Variants in NRXN3 observed in about 807,000 individuals in gnomAD.
NRXN3 encodes the protein neurexin III.
Under a neutral mutation model 137.6 loss-of-function variants are expected in NRXN3, and 32 were observed. The observed-to-expected ratio is 0.23, with a 90% CI of 0.18 to 0.31. The LOEUF (loss-of-function observed/expected upper bound fraction) is 0.31, where lower values mean the gene tolerates loss of function less well. Among genes scored for constraint, NRXN3 ranks in the 10% least tolerant of loss-of-function variants. NRXN3 has a pLI of 1.00. For synonymous variants in NRXN3, 798 were observed against 784.5 expected, an observed-to-expected ratio of 1.02 and a Z score of -0.29; for missense variants, 1,574 against 2,062.5, an observed-to-expected ratio of 0.76 and a Z score of 4.59.
intron 16 of NRXN3, among the ~76,000 whole-genome samples, chr14:79,518,339 A>G (rs549665581): frequency 2.0e-5 from 3 of 152,276 alleles, no homozygotes; most frequent in South Asian, 4.1e-4. Flanking sequence ...TATAACTTCT[A>G]TGACCTATAT....
chr14:78,857,988 G>C (rs192319568), intron 10 of NRXN3, among the ~76,000 whole-genome samples: 1 of 152,302 alleles, frequency 6.6e-6, no homozygotes, highest in Admixed American at 6.5e-5. Flanking sequence ...TCCGGGGATG[G>C]TTAGGGCTTC....
chr14:79,510,661 C>T (rs1223616973), intron 16 of NRXN3, among the ~76,000 whole-genome samples: 1 of 152,178 alleles, frequency 6.6e-6, no homozygotes, highest in Non-Finnish European at 1.5e-5. Context: ...TTTAGAGACA[C>T]TTCCATCTTT....
chr14:79,648,879 G>C (rs989493084), intron 16 of NRXN3, among the ~76,000 whole-genome samples: 3 of 152,148 alleles, frequency 2.0e-5, no homozygotes, highest in African/African-American at 4.8e-5. Flanking sequence ...GCATCATGCT[G>C]TCTGTTAAAG....
intron 10 of NRXN3, among the ~76,000 whole-genome samples, chr14:78,917,233 G>A (rs1447065269): frequency 6.6e-6 from 1 of 152,148 alleles, no homozygotes; most frequent in African/African-American, 2.4e-5. Context: ...CTGTTTCCAG[G>A]TATAGTATGA....
chr14:79,281,079 T>C (rs1400327689), intron 15 of NRXN3, among the ~76,000 whole-genome samples: 2 of 152,238 alleles, frequency 1.3e-5, no homozygotes, highest in East Asian at 3.9e-4. Context: ...AAAATATAAT[T>C]AACAACCTGT....
intron 10 of NRXN3, among the ~76,000 whole-genome samples, chr14:78,857,436 G>A (rs1160266948): frequency 6.6e-6 from 1 of 152,138 alleles, no homozygotes; most frequent in African/African-American, 2.4e-5. Context: ...CAAGGATTGG[G>A]ATTTGTAGAA....
intron 16 of NRXN3, among the ~76,000 whole-genome samples, chr14:79,519,967 T>C (rs191478309): frequency 1.1e-4 from 17 of 152,218 alleles, no homozygotes; most frequent in South Asian, 2.1e-4. Flanking sequence ...TCATCTATCA[T>C]TGAATAAGCA....
At chr14:79,435,115 T>A (rs2095823853) in intron 15 of NRXN3, among the ~76,000 whole-genome samples, 1 of 152,162 alleles carries the variant, frequency 6.6e-6, no homozygotes, top group Non-Finnish European at 1.5e-5. Context: ...GCTTCTGATC[T>A]TCCACAGGCT....
chr14:78,600,654 C>T (rs1264779250), intron 4 of NRXN3, among the ~76,000 whole-genome samples: 1 of 152,156 alleles, frequency 6.6e-6, no homozygotes, highest in Admixed American at 6.5e-5. Flanking sequence ...CAATCTCTAC[C>T]ACCTTAATGT....
At chr14:78,485,186 T>G (rs897365460) in intron 4 of NRXN3, among the ~76,000 whole-genome samples, 3 of 152,188 alleles carry the variant, frequency 2.0e-5, no homozygotes, top group African/African-American at 7.2e-5. Context: ...ATAGAATAAC[T>G]TCACATCTAT....
chr14:78,946,925 A>C (rs916122151), intron 10 of NRXN3, among the ~76,000 whole-genome samples: 1 of 152,162 alleles, frequency 6.6e-6, no homozygotes, highest in Admixed American at 6.5e-5. Context: ...TATTTTCTCT[A>C]TGTGCATGTC....
intron 20 of NRXN3, among the ~76,000 whole-genome samples, chr14:79,819,877 C>T (rs1460403357): frequency 6.6e-6 from 1 of 152,066 alleles, no homozygotes; most frequent in African/African-American, 2.4e-5. Context: ...CCAGGGTCAT[C>T]TCCACCCAGC....
intron 16 of NRXN3, among the ~76,000 whole-genome samples, chr14:79,469,457 C>T (rs1314195797): frequency 6.6e-6 from 1 of 152,144 alleles, no homozygotes; most frequent in East Asian, 1.9e-4. Flanking sequence ...CTTTGAGATT[C>T]AGGTAACATC....
intron 16 of NRXN3, among the ~76,000 whole-genome samples, chr14:79,471,683 C>A (rs539634668): frequency 1.3e-5 from 2 of 152,118 alleles, no homozygotes; most frequent in South Asian, 4.2e-4. Flanking sequence ...GTGGCCATGG[C>A]TAGTTTGGGG....
rs571636231 is a variant in NRXN3, at chr14:79,707,587, A to G, written c.4014+9650A>G. ...TCAAGGGCTTAAATGGGTGCGGCTCAAAGATTATTATTGCTGCTGTCTTAA... is the reference window on the plus strand; with the variant it reads ...TCAAGGGCTTAAATGGGTGCGGCTCGAAGATTATTATTGCTGCTGTCTTAA... On this transcript the variant is annotated intron_variant, in intron 19 of 20. Coordinates refer to ENST00000335750, the MANE Select transcript of NRXN3 (RefSeq NM_001330195.2). Among the ~76,000 whole-genome samples the G allele has an allele frequency of 3.3e-3, 502 of 152,288 alleles. 2 individuals are homozygous for G. The highest frequency in any genetic ancestry group is 0.011 in the African/African-American group (476 of 41,568).
intron 19 of NRXN3, among the ~76,000 whole-genome samples, chr14:79,698,307 T>C (rs1041320417): frequency 6.6e-6 from 1 of 152,026 alleles, no homozygotes; most frequent in African/African-American, 2.4e-5. Flanking sequence ...AAAAGCTATA[T>C]CCTAGTTCAA....
At chr14:78,418,910 G>T (rs1337703376) in intron 4 of NRXN3, among the ~76,000 whole-genome samples, 1 of 152,144 alleles carries the variant, frequency 6.6e-6, no homozygotes, top group Non-Finnish European at 1.5e-5. Context: ...GGAGGAGCTG[G>T]GATTTCAACT....
chr14:79,117,644 T>TG lies in NRXN3; in HGVS notation c.3262+129506dup, dbSNP rs2054677895. 4.6e-5 allele frequency among the ~76,000 whole-genome samples: 7 copies of TG among 151,908 alleles called. No individual in the cohort carries two copies. The South Asian group carries it at 1.5e-3, about 32-fold the overall frequency. ...TGTGATCGGTAGAAGTCATGGTGAG[T>TG]GGGAGTGAGGAAGGGCTAGTAGCAA... On this transcript the variant is annotated intron_variant, in intron 15 of 20. Coordinates refer to ENST00000335750, the MANE Select transcript of NRXN3 (RefSeq NM_001330195.2).
At chr14:79,216,161 C>G (rs924868703) in intron 15 of NRXN3, among the ~76,000 whole-genome samples, 5 of 152,138 alleles carry the variant, frequency 3.3e-5, no homozygotes, top group Non-Finnish European at 5.9e-5. Flanking sequence ...ATTCACGTGT[C>G]TGTGTCTGAG....
Sources: allele counts gnomAD v4.1 joint callset (sites outside exome capture counted in the v4.1 genomes callset), GRCh38; gene constraint gnomAD v4.1.1; transcripts MANE v1.5; gene names NCBI Gene and HGNC (gene_info 2026-07-23, HGNC 2026-07-21).